The following MIPEP variants were observed in gnomAD, a reference collection of about 807,000 sequenced individuals.
MIPEP encodes the protein mitochondrial intermediate peptidase.
A neutral mutation model predicts 90.3 loss-of-function variants in MIPEP; 79 were observed. That is an observed-to-expected ratio of 0.87 (90% CI 0.73 to 1.05). The LOEUF is 1.05. Among genes scored for constraint, MIPEP ranks in the 50% least tolerant of loss-of-function variants. The pLI is 0.00. For synonymous variants in MIPEP, 334 were observed against 315.8 expected, an observed-to-expected ratio of 1.06 and a Z score of -0.61; for missense variants, 940 against 905.6, an observed-to-expected ratio of 1.04 and a Z score of -0.49.
chr13:23,832,948 C>A (rs934432921), intron 14 of MIPEP, among the ~76,000 whole-genome samples: 6 of 152,210 alleles, frequency 3.9e-5, no homozygotes, highest in Admixed American at 2.0e-4. Flanking sequence ...GATAAGCATA[C>A]TTCTAATTCT....
Position 23,837,727 on chromosome 13 carries a change from T to C in MIPEP, c.1368A>G (p.Arg456=). ...QDCHFTIRGG[R]LKEDGDYQLP... ...GTTGATAGTCTCCATCTTCCTTTAGTCTGCCTCCACGGATAGTGAAATGGC... is the reference window on the plus strand; with the variant it reads ...GTTGATAGTCTCCATCTTCCTTTAGCCTGCCTCCACGGATAGTGAAATGGC... Residue 456 remains arginine, a synonymous_variant, in exon 13 of 19, where the codon AGA becomes AGG. Transcript: ENST00000382172. 1 of 1,613,872 alleles carries C rather than the reference T, an allele frequency of 6.2e-7. No individual in the cohort carries two copies. Among genetic ancestry groups the C allele is most frequent in the Non-Finnish European group, 8.5e-7 (1 of 1,179,726 alleles).
At chr13:23,848,893 G>C (rs572016798) in intron 10 of MIPEP, among the ~76,000 whole-genome samples, 1 of 152,238 alleles carries the variant, frequency 6.6e-6, no homozygotes, top group Non-Finnish European at 1.5e-5. Context: ...GAGGTCCAGA[G>C]AGGGTGGAAG....
At chr13:23,853,103 T>A (rs1209896135) in intron 10 of MIPEP, among the ~76,000 whole-genome samples, 1 of 152,192 alleles carries the variant, frequency 6.6e-6, no homozygotes, top group Non-Finnish European at 1.5e-5. Flanking sequence ...AAAAAGTTTA[T>A]AAGGTAAAAA....
intron 10 of MIPEP, among the ~76,000 whole-genome samples, chr13:23,843,712 G>A (rs1393875771): frequency 6.6e-6 from 1 of 152,178 alleles, no homozygotes; most frequent in Non-Finnish European, 1.5e-5. Context: ...AGGGAGGGCT[G>A]ACAGGAGGAC....
At chr13:23,830,225 T>C (rs1215866401) in intron 14 of MIPEP, among the ~76,000 whole-genome samples, 1 of 152,216 alleles carries the variant, frequency 6.6e-6, no homozygotes, top group Non-Finnish European at 1.5e-5. Context: ...AATGATGGAA[T>C]ATTATCTGCA....
chr13:23,779,851 C>G (rs1046085142), intron 16 of MIPEP, among the ~76,000 whole-genome samples: 3 of 152,226 alleles, frequency 2.0e-5, no homozygotes, highest in African/African-American at 7.2e-5. Flanking sequence ...CACAGAGCCT[C>G]GTTCATTGCT....
chr13:23,880,607 G>T (rs1871234426), intron 3 of MIPEP, among the ~76,000 whole-genome samples: 1 of 152,194 alleles, frequency 6.6e-6, no homozygotes, highest in Admixed American at 6.5e-5. Context: ...CTTCCCAGGG[G>T]CCTTTCCCCG....
intron 16 of MIPEP, among the ~76,000 whole-genome samples, chr13:23,777,819 C>T (rs577532693): frequency 6.6e-6 from 1 of 152,148 alleles, no homozygotes; most frequent in Non-Finnish European, 1.5e-5. Flanking sequence ...TACTGTGCTT[C>T]TCTAAACTAA....
intron 16 of MIPEP, among the ~76,000 whole-genome samples, chr13:23,767,998 T>C (rs1367034377): frequency 6.6e-6 from 1 of 152,204 alleles, no homozygotes; most frequent in Admixed American, 6.5e-5. Context: ...GCTGTGCGAC[T>C]ATATTCTTGA....
At chr13:23,886,596 G>T (rs1337489949) in intron 1 of MIPEP, 90 bp from the exon 2 acceptor site, 2 of 1,094,430 alleles carry the variant, frequency 1.8e-6, no homozygotes, top group Admixed American at 2.8e-5. Context: ...TCACAAAGGA[G>T]ATCTTGACTT....
chr13:23,856,223 C>T (rs1433690070), intron 10 of MIPEP, among the ~76,000 whole-genome samples: 3 of 152,180 alleles, frequency 2.0e-5, no homozygotes, highest in Admixed American at 2.0e-4. Context: ...TTCATGGACA[C>T]CTGGCAAGAT....
intron 14 of MIPEP, among the ~76,000 whole-genome samples, chr13:23,813,487 C>A (rs1309458282): frequency 2.0e-5 from 3 of 152,022 alleles, no homozygotes; most frequent in Non-Finnish European, 4.4e-5. Flanking sequence ...AAAATAATGA[C>A]AAGAAAAAAA....
chr13:23,873,778 A>G (rs1870938244), intron 5 of MIPEP, among the ~76,000 whole-genome samples: 1 of 152,204 alleles, frequency 6.6e-6, no homozygotes, highest in South Asian at 2.1e-4. Flanking sequence ...GAGAAGTATT[A>G]ATGAAGAATT....
At chr13:23,753,289 A>G (rs2138507484) in intron 18 of MIPEP, among the ~76,000 whole-genome samples, 1 of 152,182 alleles carries the variant, frequency 6.6e-6, no homozygotes, top group East Asian at 1.9e-4. Context: ...GTCAAATCAC[A>G]TTTTACCTCC....
intron 14 of MIPEP, among the ~76,000 whole-genome samples, chr13:23,820,696 G>T (rs1471684414): frequency 2.0e-5 from 3 of 152,174 alleles, no homozygotes; most frequent in African/African-American, 7.2e-5. Context: ...TCCCAGGCCA[G>T]CACAGCCCCC....
intron 10 of MIPEP, among the ~76,000 whole-genome samples, chr13:23,849,021 C>T (rs1230996800): frequency 1.3e-5 from 2 of 152,296 alleles, no homozygotes; most frequent in Admixed American, 6.5e-5. Context: ...TCTCAGCTCA[C>T]GTCTTCAACA....
chr13:23,816,176 G>A (rs978771153), intron 14 of MIPEP, among the ~76,000 whole-genome samples: 4 of 152,084 alleles, frequency 2.6e-5, no homozygotes, highest in Non-Finnish European at 5.9e-5. Flanking sequence ...AAGCTTCTTG[G>A]ATCTCTGGTG....
At chr13:23,804,958 TG>T (rs1434635448) in intron 16 of MIPEP, among the ~76,000 whole-genome samples, 9 of 152,146 alleles carry the variant, frequency 5.9e-5, no homozygotes, top group Non-Finnish European at 1.2e-4. Context: ...CCATTCAGTC[TG>T]GGGGGATTGC....
chr13:23,878,044 T>A (rs747104916), intron 4 of MIPEP, among the ~76,000 whole-genome samples: 1 of 152,228 alleles, frequency 6.6e-6, no homozygotes, highest in Non-Finnish European at 1.5e-5. Flanking sequence ...TAAAATGGTC[T>A]GCTAGCCCAC....
Sources: allele counts gnomAD v4.1 joint callset (sites outside exome capture counted in the v4.1 genomes callset), GRCh38; gene constraint gnomAD v4.1.1; transcripts MANE v1.5; gene names NCBI Gene and HGNC (gene_info 2026-07-23, HGNC 2026-07-21).